Variants in ATRX observed in about 807,000 individuals in gnomAD.
ATRX encodes chromatin remodeler ATRX.
In ATRX, 12 loss-of-function variants were observed where a neutral mutation model predicts 172.6. The ratio of observed to expected loss-of-function variants is 0.07; its 90% CI spans 0.04 to 0.11. The LOEUF (loss-of-function observed/expected upper bound fraction) is 0.11, where lower values mean the gene tolerates loss of function less well. ATRX is among the 10% of genes least tolerant of loss of function. The probability of loss-of-function intolerance (pLI) is 1.00; values close to 1 mark genes in which losing one functional copy is unlikely to be tolerated. For synonymous variants in ATRX, 674 were observed against 594.7 expected (o/e 1.13, Z -1.94); for missense variants, 1,368 against 1,767.4 (o/e 0.77, Z 4.05).
chrX:77,661,347 T>C (rs1033923495), intron 12 of ATRX, among the ~76,000 whole-genome samples: 1 of 111,014 alleles, frequency 9.0e-6, no homozygotes. Context: ...ATATAGCTGT[T>C]ATACAAAAAA....
Position 77,599,570 on chromosome X carries a change from T to G in ATRX, c.5797A>C (p.Lys1933Gln). 1 of 1,210,124 alleles carries G rather than the reference T, an allele frequency of 8.3e-7. No individual in the cohort carries two copies. Among genetic ancestry groups the G allele is most frequent in the South Asian group, 1.8e-5 (1 of 56,864 alleles). The change falls in exon 25 of 35, where the codon AAA (lysine) becomes CAA (glutamine). Residue 1933 changes from lysine to glutamine, a missense_variant. Lys to Gln is a moderately conservative substitution (Grantham distance 53). Coordinates refer to ENST00000373344, the MANE Select transcript of ATRX (RefSeq NM_000489.6). Reference protein sequence around the residue: ...SSDDYTKKKKKGKKGKKDSSS... With the variant: ...SSDDYTKKKKQGKKGKKDSSS... ...CTATCTTTTTTCCCCTTTTTCCCTT[T>G]TTTCTTCTTTCTAAAAACAAACAAA...
Position 77,634,651 on chromosome X carries a change from T to C in ATRX, c.4752A>G (p.Lys1584=), listed in dbSNP as rs2068262831. 8.3e-7 allele frequency: 1 copy of C among 1,209,353 alleles called. No homozygotes were observed. The highest frequency in any genetic ancestry group is 1.8e-5 in the African/African-American group (1 of 57,004). Residue 1584 remains lysine, a synonymous_variant, in exon 17 of 35, where the codon AAA becomes AAG. Transcript: ENST00000373344. Reference sequence around the variant, plus strand: ...CAAGAATGCATCCTGAACCTGGAGATTTCTTTGTTTTTTTCACAGACTCAC... The same window carrying C: ...CAAGAATGCATCCTGAACCTGGAGACTTCTTTGTTTTTTTCACAGACTCAC... ...CCCESVKKTK[K]SPGSGCILAH...
chrX:77,599,308 T>C (rs1370595799), intron 25 of ATRX, 103 bp downstream of exon 25: 41 of 910,376 alleles, frequency 4.5e-5, no homozygotes, highest in Non-Finnish European at 6.2e-5. Flanking sequence ...GAGGAAAGAT[T>C]CCTTTGAGTC....
chrX:77,511,790 G>C (rs781797824), intron 34 of ATRX, among the ~76,000 whole-genome samples: 44 of 111,166 alleles, frequency 4.0e-4, no homozygotes, highest in African/African-American at 1.4e-3. Flanking sequence ...AAAGAAAAAA[G>C]AACAAAAAAC....
intron 1 of ATRX, among the ~76,000 whole-genome samples, chrX:77,783,389 C>A (rs1019179904): frequency 9.0e-6 from 1 of 111,669 alleles, no homozygotes; most frequent in Non-Finnish European, 1.9e-5. Flanking sequence ...CCAAAAAAAT[C>A]CTTTAAAAAC....
intron 15 of ATRX, among the ~76,000 whole-genome samples, chrX:77,649,216 A>G (rs1239746569): frequency 9.0e-6 from 1 of 110,733 alleles, no homozygotes; most frequent in African/African-American, 3.3e-5. Flanking sequence ...GGGAGGAAGG[A>G]AGGAAGGAAG....
At chrX:77,745,120 C>T (rs1347280150) in intron 1 of ATRX, among the ~76,000 whole-genome samples, 1 of 101,774 alleles carries the variant, frequency 9.8e-6, no homozygotes, top group East Asian at 3.1e-4. Flanking sequence ...TGAAGTGAAC[C>T]TCCGCCACTG....
At chrX:77,603,526 C>T (rs967910843) in intron 22 of ATRX, among the ~76,000 whole-genome samples, 6 of 83,495 alleles carry the variant, frequency 7.2e-5, no homozygotes, top group Non-Finnish European at 1.3e-4. Flanking sequence ...CCACCATGCT[C>T]GGCTAATTTT....
chrX:77,581,967 T>C, intron 27 of ATRX, among the ~76,000 whole-genome samples: 1 of 111,894 alleles, frequency 8.9e-6, no homozygotes, highest in Non-Finnish European at 1.9e-5. Context: ...TCAAAAATTT[T>C]CTTTAAAAAA....
intron 30 of ATRX, among the ~76,000 whole-genome samples, chrX:77,537,629 G>T (rs1184815260): frequency 9.1e-6 from 1 of 110,338 alleles, no homozygotes; most frequent in African/African-American, 3.3e-5. Context: ...GGGCTGAGGA[G>T]TTCAAGACCA....
Position 77,681,920 on chromosome X carries a change from A to T in ATRX, c.3336T>A (p.Thr1112=), listed in dbSNP as rs2071225400. 1.7e-6 allele frequency: 2 copies of T among 1,210,532 alleles called. No homozygotes were observed. The highest frequency in any genetic ancestry group is 2.2e-6 in the Non-Finnish European group (2 of 894,951). The change falls in exon 9 of 35, where the codon ACT becomes ACA. Residue 1112 remains threonine (T), a synonymous_variant. Transcript: ENST00000373344. ...RKRQDCSSSD[T]EKYSMKEDGC... ...CATCTTCTTTCATGGAATATTTCTC[A>T]GTATCAGATGATGAACAATCTTGTC...
chrX:77,508,521 T>G lies in ATRX; in HGVS notation c.7309A>C (p.Met2437Leu). 1.7e-6 allele frequency: 2 copies of G among 1,211,822 alleles called. No homozygotes were observed. Among genetic ancestry groups the G allele is most frequent in the Non-Finnish European group, 2.2e-6 (2 of 895,518 alleles). ...TYQQATLGHL[M>L]MPKPPNLIMN... ...ATCAAATTTGGGGGCTTTGGCATCA[T>G]GAGGTGACCCAGTGTTGCTTGTTGA... Residue 2437 changes from methionine to leucine, a missense_variant, in exon 35 of 35, where the codon ATG becomes CTG. Transcript: ENST00000373344.
At chrX:77,595,902 G>A (rs2066449462) in intron 25 of ATRX, 1 of 111,355 alleles carries the variant, frequency 9.0e-6, no homozygotes, top group African/African-American at 3.3e-5. Flanking sequence ...AAATGCAAAT[G>A]CTTACCAATG....
chrX:77,617,066 T>C lies in ATRX; in HGVS notation c.5449-336A>G, dbSNP rs184100587. The stretch of plus-strand genomic sequence containing the variant: ...AAAATAACAAAAGGTATGGAGGGGA[T>C]GTAGTAGGTAGTGTGAGCAAAATGC... On this transcript the variant is annotated intron_variant, in intron 21 of 34. Coordinates refer to ENST00000373344, the MANE Select transcript of ATRX (RefSeq NM_000489.6). Among the ~76,000 whole-genome samples the C allele has an allele frequency of 8.4e-4, 94 of 111,370 alleles. 1 individual carries two copies. The highest frequency in any genetic ancestry group is 2.6e-3 in the African/African-American group (81 of 30,744).
intron 2 of ATRX, among the ~76,000 whole-genome samples, chrX:77,700,144 AAAAC>A (rs1557152621): frequency 8.9e-6 from 1 of 111,883 alleles, no homozygotes. Context: ...ACTCAACAAT[AAAAC>A]AAACAACATG....
chrX:77,632,348 T>C (rs2068149666), intron 19 of ATRX, among the ~76,000 whole-genome samples: 1 of 111,710 alleles, frequency 9.0e-6, no homozygotes, highest in Non-Finnish European at 1.9e-5. Flanking sequence ...GCTACAATGA[T>C]ACTAGACACT....
chrX:77,608,711 C>G (rs782150323), intron 22 of ATRX, among the ~76,000 whole-genome samples: 15 of 111,725 alleles, frequency 1.3e-4, no homozygotes, highest in Non-Finnish European at 2.1e-4. Context: ...AAAGCAGAAG[C>G]AACCAACACA....
At chrX:77,738,645 C>A (rs1486784310) in intron 1 of ATRX, among the ~76,000 whole-genome samples, 1 of 101,243 alleles carries the variant, frequency 9.9e-6, no homozygotes, top group Non-Finnish European at 2.0e-5. Context: ...CTCACTGCAA[C>A]CTCCGCCTCC....
chrX:77,722,665 G>A (rs1240985783), intron 1 of ATRX, among the ~76,000 whole-genome samples: 1 of 111,786 alleles, frequency 8.9e-6, no homozygotes, highest in East Asian at 2.8e-4. Flanking sequence ...CGGTTAGAAT[G>A]GCGAACATTA....
Sources: gnomAD v4.1 joint callset for allele counts (sites outside exome capture counted in the v4.1 genomes callset) on GRCh38, gnomAD v4.1.1 for gene constraint, MANE v1.5 for transcripts, NCBI Gene and HGNC (gene_info 2026-07-23, HGNC 2026-07-21) for gene names.